Variants in MYH7B observed in about 807,000 individuals in gnomAD.
MYH7B encodes myosin-7B.
A neutral mutation model predicts 234.5 loss-of-function variants in MYH7B; 205 were observed. The ratio of observed to expected loss-of-function variants is 0.87; its 90% CI spans 0.78 to 0.98. The LOEUF (loss-of-function observed/expected upper bound fraction) is 0.98. Among genes scored for constraint, MYH7B ranks in the 50% least tolerant of loss-of-function variants. The pLI is 0.00. For missense variants in MYH7B, 2,652 were observed against 2,633.4 expected (o/e 1.01, Z -0.15); for synonymous variants, 1,193 against 1,105.0 (o/e 1.08, Z -1.58).
rs997433780 is a variant in MYH7B at position 34,997,453 on chromosome 20, A to C, written c.3560A>C (p.Glu1187Ala). ...GGGAGGCTGCGGCGGGAGCTGGAGG[A>C]GGCGGCGCTGCGGCACGAGGCCACA... The change falls in exon 32 of 45, where the codon GAG (glutamate) becomes GCG (alanine). Residue 1187 changes from glutamate (E) to alanine (A), a missense_variant. By Grantham distance (107) the Glu-to-Ala change is moderately radical. Around this residue, in one of 3 missense-constraint regions of MYH7B, gnomAD observed 2,279 missense variants for 2,211.4 expected, o/e 1.03. Transcript: ENST00000262873. 1.4e-5 allele frequency: 21 copies of C among 1,489,234 alleles called. No individual in the cohort carries two copies. The highest frequency in any genetic ancestry group is 2.9e-5 in the African/African-American group (2 of 68,896). The allele number at this position is 1,489,234 out of a possible 1,614,324, so 92.3% of individuals were successfully genotyped here.
In MYH7B at chr20:34,981,077, G is replaced by A. The variant is rs1303713058; in HGVS notation, c.527+17G>A. The A allele has an allele frequency of 2.5e-6, 4 of 1,613,450 alleles. No individual in the cohort carries two copies. ...GCTGATCACGTGAGTGTGGGGCTCT[G>A]GGGGTGGGGTGGAAAATGCTGGCCA... On this transcript the variant is annotated intron_variant, in intron 9 of 44. Coordinates refer to ENST00000262873, the Ensembl canonical transcript of MYH7B.
exon 6 of MYH7B, chr20:34,979,464 G>A (rs763084405): frequency 5.0e-6 from 8 of 1,613,824 alleles, no homozygotes; most frequent in Non-Finnish European, 5.9e-6. Context: ...GGCTACCGGG[G>A]GCAGAGTCAC....
Position 34,973,264 on chromosome 20 carries a change from G to A in MYH7B, c.-221-2136G>A, listed in dbSNP as rs534584095. Among the ~76,000 whole-genome samples, 148 of 152,296 alleles carry A rather than the reference G, an allele frequency of 9.7e-4. 1 individual carries two copies. The highest frequency in any genetic ancestry group is 1.7e-3 in the Non-Finnish European group (116 of 68,018). ...AGGGATTATGGGCATAAGCCACTGC[G>A]CCCAGCCTTCAAACTAGCTTTTATC... On this transcript the variant is annotated intron_variant, in intron 2 of 44. Coordinates refer to ENST00000262873, the Ensembl canonical transcript of MYH7B.
chr20:34,989,588 G>C, intron 19 of MYH7B, 152 bp from the exon 20 acceptor site: 1 of 726,414 alleles, frequency 1.4e-6, no homozygotes, highest in South Asian at 2.0e-5. Flanking sequence ...TGGGTTCTTG[G>C]AGTGGGTGTG....
chr20:34,999,665 T>A (rs755539622), exon 37 of MYH7B: 3 of 1,611,444 alleles, frequency 1.9e-6, no homozygotes, highest in Non-Finnish European at 2.5e-6. Context: ...GCGAGAAGAG[T>A]GAGATCCAGG....
intron 43 of MYH7B, 39 bp from the exon 44 acceptor site, chr20:35,001,909 G>A: frequency 6.9e-6 from 11 of 1,594,270 alleles, no homozygotes; most frequent in Non-Finnish European, 9.4e-6. Context: ...AAGCATCTCA[G>A]TCACCCAAGC....
Position 34,990,222 on chromosome 20 carries a change from TGTCTC to T in MYH7B, c.1901-11_1901-7del. Reference sequence around the variant, plus strand: ...CATTCCCTGGAGTGACCAGGCCCCTTGTCTCTATTAGCTGAGCCCCCCAAGTCTGG... The same window carrying T: ...CATTCCCTGGAGTGACCAGGCCCCTTTATTAGCTGAGCCCCCCAAGTCTGG... On this transcript the variant is annotated splice_polypyrimidine_tract_variant and splice_region_variant and intron_variant, in intron 21 of 44. Coordinates refer to ENST00000262873, the Ensembl canonical transcript of MYH7B. The T allele has an allele frequency of 1.2e-6, 2 of 1,614,124 alleles. No homozygotes were observed. The highest frequency in any genetic ancestry group is 1.7e-6 in the Non-Finnish European group (2 of 1,180,012).
intron 11 of MYH7B, 53 bp from the exon 12 acceptor site, chr20:34,984,801 T>A: frequency 6.3e-7 from 1 of 1,594,284 alleles, no homozygotes; most frequent in Non-Finnish European, 8.6e-7. Context: ...GGCTCTGGCC[T>A]CCCGGTGGGT....
chr20:34,980,997 T>A, intron 8 of MYH7B, 36 bp from the exon 9 acceptor site: 1 of 1,614,122 alleles, frequency 6.2e-7, no homozygotes, highest in East Asian at 2.2e-5. Context: ...GCCCCACACC[T>A]TGGCTGACTT....
Position 35,001,051 on chromosome 20 carries a change from A to T in MYH7B, c.5368A>T (p.Lys1790Ter), listed in dbSNP as rs1279169372. The change falls in exon 41 of 45, where the codon AAG (lysine) becomes TAG (stop). Residue 1790 changes from lysine to a stop codon, truncating the protein, a stop_gained. Transcript: ENST00000262873. LOFTEE classifies it high-confidence loss of function. ...CACAAGTGCACACCTGGAACGGATG[A>T]AGAAGACGCTGGAGCAGACGGTGCG... 2 of 1,613,702 alleles carry T rather than the reference A, an allele frequency of 1.2e-6. No individual in the cohort carries two copies. The highest frequency in any genetic ancestry group is 2.2e-5 in the South Asian group (2 of 91,064).
At chr20:34,975,273 C>T (rs565245402) in intron 2 of MYH7B, 127 bp from the exon 3 acceptor site, 28 of 448,502 alleles carry the variant, frequency 6.2e-5, no homozygotes, top group Middle Eastern at 5.7e-4. Context: ...GGTGTGATCT[C>T]GGCGCACTGT....
chr20:34,973,998 C>T (rs1165646693), intron 2 of MYH7B, among the ~76,000 whole-genome samples: 2 of 148,230 alleles, frequency 1.3e-5, no homozygotes, highest in African/African-American at 5.0e-5. Context: ...GATCTCGGCT[C>T]ACTGCAACCT....
chr20:34,981,024 T>G lies in MYH7B; in HGVS notation c.500-9T>G, dbSNP rs41305791. The stretch of plus-strand genomic sequence containing the variant: ...GGCTGACTTCTCTATCCCCTTCCCT[T>G]TCCTCCAGACCGAGACAACCAGTCC... On this transcript the variant is annotated splice_polypyrimidine_tract_variant and intron_variant, in intron 8 of 44. Coordinates refer to ENST00000262873, the Ensembl canonical transcript of MYH7B. The G allele has an allele frequency of 1.7e-5, 27 of 1,613,958 alleles. No individual in the cohort carries two copies. The highest frequency in any genetic ancestry group is 2.3e-5 in the Non-Finnish European group (27 of 1,179,926).
intron 1 of MYH7B, among the ~76,000 whole-genome samples, 39 bp from the exon 2 acceptor site, chr20:34,958,059 A>T (rs139992834): frequency 3.4e-4 from 52 of 152,352 alleles, no homozygotes; most frequent in African/African-American, 1.3e-3. Context: ...GCAGCATGAA[A>T]TTAAAAATCA....
At chr20:34,998,356 TGGA>T in exon 33 of MYH7B, 1 of 1,613,810 alleles carries the variant, frequency 6.2e-7, no homozygotes, top group Non-Finnish European at 8.5e-7. Flanking sequence ...AAGATCAAGG[TGGA>T]GGAGCTGCAG....
At position 35,000,489 on chromosome 20, in the gene MYH7B, G is replaced by A. The variant is rs762569587; in HGVS notation, c.4978G>A (p.Glu1660Lys). 24 of 1,600,248 alleles carry A rather than the reference G, an allele frequency of 1.5e-5. No individual in the cohort carries two copies. Among genetic ancestry groups the A allele is most frequent in the Admixed American group, 5.0e-5 (3 of 59,862 alleles). ...GCTGATGCAGGCACAGCTCAAGGAG[G>A]AGCAGGCAGGGCGGGACGAGGAGCA... Residue 1660 changes from glutamate (E) to lysine (K), a missense_variant, in exon 39 of 45, where the codon GAG becomes AAG. Physicochemically the swap from Glu to Lys is moderately conservative, Grantham distance 56. Around this residue, in one of 3 missense-constraint regions of MYH7B, gnomAD observed 2,279 missense variants for 2,211.4 expected, o/e 1.03. Coordinates refer to ENST00000262873, the Ensembl canonical transcript of MYH7B.
chr20:34,997,428 GGGAGGCTGCGGCGGGAGCTGGA>G lies in MYH7B; in HGVS notation c.3542_3563del (p.Leu1181ArgfsTer58), dbSNP rs754175218. 1 of 1,474,902 alleles carries G rather than the reference GGGAGGCTGCGGCGGGAGCTGGA, an allele frequency of 6.8e-7. No individual in the cohort carries two copies. Among genetic ancestry groups the G allele is most frequent in the South Asian group, 1.4e-5 (1 of 73,290 alleles). The allele number at this position is 1,474,902 out of a possible 1,614,324, so 91.4% of individuals were successfully genotyped here. ...CTGCCGCAAGCGGGAGGCGGAGCTGGGGAGGCTGCGGCGGGAGCTGGAGGAGGCGGCGCTGCGGCACGAGGCC... is the reference window on the plus strand; with the variant it reads ...CTGCCGCAAGCGGGAGGCGGAGCTGGGGAGGCGGCGCTGCGGCACGAGGCC... On this transcript the variant is annotated frameshift_variant, in exon 32 of 45. Transcript: ENST00000262873. LOFTEE classifies it high-confidence loss of function.
intron 7 of MYH7B, 143 bp from the exon 8 acceptor site, chr20:34,980,435 G>A: frequency 2.8e-6 from 2 of 719,360 alleles, no homozygotes; most frequent in South Asian, 3.5e-5. Context: ...TGTAGTCCTA[G>A]CTACCCTGGG....
rs2082033353 is a variant in MYH7B at position 34,986,828 on chromosome 20, T to G, written c.905-58T>G. 2.8e-6 allele frequency: 4 copies of G among 1,420,780 alleles called. No individual in the cohort carries two copies. The African/African-American group carries it at 4.2e-5, about 15-fold the overall frequency. The allele number at this position is 1,420,780 out of a possible 1,614,324, so 88.0% of individuals were successfully genotyped here. Reference sequence around the variant, plus strand: ...AGGACCCCCTATGCTGCAATTGTTGTGGGGAGAATAGCCGGTAAGCACTGC... The same window carrying G: ...AGGACCCCCTATGCTGCAATTGTTGGGGGGAGAATAGCCGGTAAGCACTGC... On this transcript the variant is annotated intron_variant, in intron 14 of 44. Coordinates refer to ENST00000262873, the Ensembl canonical transcript of MYH7B.
Sources: gnomAD v4.1 joint callset for allele counts (sites outside exome capture counted in the v4.1 genomes callset) on GRCh38, gnomAD v4.1.1 for gene constraint, gnomAD v4.1.1 regional missense constraint, MANE v1.5 for transcripts, NCBI Gene and HGNC (gene_info 2026-07-23, HGNC 2026-07-21) for gene names.